Variants in PKD2L2 observed in about 807,000 individuals in gnomAD.
PKD2L2 encodes polycystin-2-like protein 2.
Under a neutral mutation model 83.9 loss-of-function variants are expected in PKD2L2, and 67 were observed. The observed-to-expected ratio is 0.80, with a 90% CI of 0.66 to 0.98. The LOEUF (loss-of-function observed/expected upper bound fraction) is 0.98, where lower values mean the gene tolerates loss of function less well. PKD2L2 is among the 50% of genes least tolerant of loss of function. The pLI, the probability that PKD2L2 is intolerant of heterozygous loss-of-function variation, is 0.00. For missense variants in PKD2L2, 632 were observed against 717.2 expected, an observed-to-expected ratio of 0.88 and a Z score of 1.36; for synonymous variants, 223 against 237.8, an observed-to-expected ratio of 0.94 and a Z score of 0.57.
intron 13 of PKD2L2, 96 bp from the exon 14 acceptor site, chr5:137,936,224 A>G: frequency 9.0e-7 from 1 of 1,105,848 alleles, no homozygotes; most frequent in Non-Finnish European, 1.3e-6. Flanking sequence ...GGAGCTTACA[A>G]TTCTATCTTC....
At chr5:137,914,480 T>C (rs929072883) in intron 8 of PKD2L2, among the ~76,000 whole-genome samples, 13 of 152,218 alleles carry the variant, frequency 8.5e-5, no homozygotes, top group African/African-American at 3.1e-4. Flanking sequence ...TGTATAAAAA[T>C]GCTACTGTGT....
chr5:137,901,959 A>G (rs909868657), intron 5 of PKD2L2, among the ~76,000 whole-genome samples: 5 of 152,152 alleles, frequency 3.3e-5, no homozygotes, highest in Non-Finnish European at 5.9e-5. Flanking sequence ...GATTTATGAC[A>G]GAGTCAATCA....
intron 12 of PKD2L2, among the ~76,000 whole-genome samples, chr5:137,929,766 C>A (rs1759711821): frequency 6.6e-6 from 1 of 151,974 alleles, no homozygotes; most frequent in Non-Finnish European, 1.5e-5. Context: ...TACTAGAGGA[C>A]AGATGACATT....
chr5:137,930,068 C>A (rs1014509698), intron 12 of PKD2L2, among the ~76,000 whole-genome samples: 1 of 150,720 alleles, frequency 6.6e-6, no homozygotes, highest in African/African-American at 2.4e-5. Flanking sequence ...TAGGAACACA[C>A]AAAAAAAACA....
Position 137,889,483 on chromosome 5 carries a change from A to G in PKD2L2, c.-9A>G, listed in dbSNP as rs1454044036. ...GGCGAACGAACGGGCGGTGTAGTGC[A>G]GGTCCGCCATGGCTGAGGCGTCACG... On this transcript the variant is annotated 5_prime_UTR_variant, in exon 1 of 15. Coordinates refer to ENST00000508883, the MANE Select transcript of PKD2L2 (RefSeq NM_001300921.2). 5 of 1,573,368 alleles carry G rather than the reference A, an allele frequency of 3.2e-6. No individual in the cohort carries two copies. The highest frequency in any genetic ancestry group is 1.1e-5 in the South Asian group (1 of 87,104).
chr5:137,895,039 G>A (rs1030400963), intron 4 of PKD2L2, among the ~76,000 whole-genome samples: 2 of 152,052 alleles, frequency 1.3e-5, no homozygotes, highest in Non-Finnish European at 2.9e-5. Flanking sequence ...ATTTTTTTCT[G>A]TTGCTGCCCC....
chr5:137,899,709 G>A lies in PKD2L2; in HGVS notation c.718G>A (p.Ala240Thr). 6.2e-7 allele frequency: 1 copy of A among 1,605,048 alleles called. No individual in the cohort carries two copies. The highest frequency in any genetic ancestry group is 8.5e-7 in the Non-Finnish European group (1 of 1,172,604). ...TTTTATTGATTTTTCCTTATATAAT[G>A]CTAATGTAAATCTATTTTGTATTAT... Reference protein sequence around the residue: ...VIFIDFSLYNANVNLFCIIRL... With the variant: ...VIFIDFSLYNTNVNLFCIIRL... Residue 240 changes from alanine (A) to threonine (T), a missense_variant, in exon 5 of 15, where the codon GCT becomes ACT. By Grantham distance (58) the Ala-to-Thr change is moderately conservative. Coordinates refer to ENST00000508883, the MANE Select transcript of PKD2L2 (RefSeq NM_001300921.2).
intron 5 of PKD2L2, among the ~76,000 whole-genome samples, chr5:137,904,953 G>T (rs1035412471): frequency 1.3e-5 from 2 of 152,106 alleles, no homozygotes; most frequent in Admixed American, 1.3e-4. Context: ...GCAGCCAATG[G>T]ATATTATACC....
rs1468466242 is a variant in PKD2L2 at position 137,935,898 on chromosome 5, A to C, written c.1773A>C (p.Glu591Asp). The stretch of plus-strand genomic sequence containing the variant: ...ATGACTACCAGCCTGTCACTCAAGA[A>C]GAATTTCGAGAGTAAGCTTATGTTC... Reference protein sequence around the residue: ...IQDDYQPVTQEEFRELFLYAV... With the variant: ...IQDDYQPVTQDEFRELFLYAV... Residue 591 changes from glutamate (E) to aspartate (D), a missense_variant, in exon 13 of 15, where the codon GAA (glutamate) becomes GAC (aspartate). Coordinates refer to ENST00000508883, the MANE Select transcript of PKD2L2 (RefSeq NM_001300921.2). 2.0e-6 allele frequency: 3 copies of C among 1,537,206 alleles called. No individual in the cohort carries two copies. The African/African-American group carries it at 4.1e-5, about 21-fold the overall frequency.
chr5:137,898,546 A>AT (rs1276945271), intron 4 of PKD2L2, among the ~76,000 whole-genome samples: 6 of 152,004 alleles, frequency 3.9e-5, no homozygotes, highest in African/African-American at 1.2e-4. Context: ...CAACAGATGG[A>AT]TTTTTTTGTT....
At chr5:137,896,464 G>A (rs1756481267) in intron 4 of PKD2L2, among the ~76,000 whole-genome samples, 1 of 152,094 alleles carries the variant, frequency 6.6e-6, no homozygotes, top group African/African-American at 2.4e-5. Context: ...AGGCTGCAGT[G>A]CAGTGGTGTA....
At chr5:137,925,202 G>C (rs1759281518) in intron 11 of PKD2L2, 98 bp downstream of exon 11, 1 of 753,950 alleles carries the variant, frequency 1.3e-6, no homozygotes, top group South Asian at 1.7e-5. Flanking sequence ...TTGTTTGTTT[G>C]TTTTAAATAG....
chr5:137,941,772 A>G (rs1465176497), intron 14 of PKD2L2, among the ~76,000 whole-genome samples: 2 of 152,234 alleles, frequency 1.3e-5, no homozygotes, highest in African/African-American at 4.8e-5. Flanking sequence ...GGCTGTGACT[A>G]TTCCTGGCCA....
At chr5:137,908,289 C>T (rs1053940507) in intron 7 of PKD2L2, among the ~76,000 whole-genome samples, 3 of 151,516 alleles carry the variant, frequency 2.0e-5, no homozygotes, top group Admixed American at 6.6e-5. Flanking sequence ...GCCTGGATGA[C>T]AGAAAAAAAA....
At chr5:137,936,191 C>A in intron 13 of PKD2L2, 129 bp from the exon 14 acceptor site, 1 of 755,330 alleles carries the variant, frequency 1.3e-6, no homozygotes. Context: ...AGATCTATAA[C>A]TGGCCACAAG....
chr5:137,925,064 T>C lies in PKD2L2; in HGVS notation c.1576T>C (p.Phe526Leu). 6.2e-7 allele frequency: 1 copy of C among 1,604,316 alleles called. No homozygotes were observed. The highest frequency in any genetic ancestry group is 1.1e-5 in the South Asian group (1 of 90,748). ...GAGTTACAAAAATGTTCTCGAGAAA[T>C]TCAGACTGAAGAAAGCTCAAAAAGA... Reference protein sequence around the residue: ...KQSYKNVLEKFRLKKAQKDED... With the variant: ...KQSYKNVLEKLRLKKAQKDED... The change falls in exon 11 of 15, where the codon TTC becomes CTC. Residue 526 changes from phenylalanine to leucine, a missense_variant. Around this residue, in one of 3 missense-constraint regions of PKD2L2, gnomAD observed 399 missense variants for 416.9 expected, o/e 0.96. Transcript: ENST00000508883.
chr5:137,901,866 G>A (rs1017996469), intron 5 of PKD2L2, among the ~76,000 whole-genome samples: 21 of 152,134 alleles, frequency 1.4e-4, no homozygotes, highest in African/African-American at 4.6e-4. Context: ...TGCCATCATC[G>A]TTATTAAAAA....
intron 4 of PKD2L2, among the ~76,000 whole-genome samples, chr5:137,899,260 G>A: frequency 6.6e-6 from 1 of 152,100 alleles, no homozygotes; most frequent in Non-Finnish European, 1.5e-5. Context: ...GGGACTACAG[G>A]CACATGCCAC....
chr5:137,901,001 G>A (rs150964297), intron 5 of PKD2L2, among the ~76,000 whole-genome samples: 1 of 152,068 alleles, frequency 6.6e-6, no homozygotes, highest in Non-Finnish European at 1.5e-5. Context: ...GCCGGGCGTG[G>A]TGGCACAGCC....
Sources: allele counts gnomAD v4.1 joint callset (sites outside exome capture counted in the v4.1 genomes callset), GRCh38; gene constraint gnomAD v4.1.1; regional missense constraint gnomAD v4.1.1; transcripts MANE v1.5; gene names NCBI Gene and HGNC (gene_info 2026-07-23, HGNC 2026-07-21).